TRIM2: variants seen among roughly 807,000 people sequenced by gnomAD.
The protein encoded by TRIM2 is tripartite motif-containing protein 2.
Under a neutral mutation model 75.2 loss-of-function variants are expected in TRIM2, and 20 were observed. The observed-to-expected ratio is 0.27, with a 90% CI of 0.19 to 0.39. The LOEUF (loss-of-function observed/expected upper bound fraction) is 0.39. Among genes scored for constraint, TRIM2 ranks in the 10% least tolerant of loss-of-function variants. TRIM2 has a pLI of 1.00. For missense variants in TRIM2, 660 were observed against 990.8 expected (o/e 0.67, Z 4.48); for synonymous variants, 373 against 388.3 (o/e 0.96, Z 0.46).
intron 1 of TRIM2, among the ~76,000 whole-genome samples, chr4:153,219,919 A>G (rs555979028): frequency 6.6e-6 from 1 of 152,334 alleles, no homozygotes; most frequent in South Asian, 2.1e-4. Context: ...TGAAGGAAAT[A>G]GAGCACAAGA....
chr4:153,223,213 G>GC (rs1181297706), intron 1 of TRIM2, among the ~76,000 whole-genome samples: 1 of 152,192 alleles, frequency 6.6e-6, no homozygotes, highest in Non-Finnish European at 1.5e-5. Context: ...CAGCAACAGG[G>GC]CCGCTGAGCA....
Position 153,336,239 on chromosome 4 carries a change from C to T in TRIM2, c.*1273C>T. ...CTCTTCAGCACATTCCTTTACTAAG[C>T]AGTTTAAAGCCGTCCTAGTGGAGCA... On this transcript the variant is annotated 3_prime_UTR_variant, in exon 12 of 12. Transcript: ENST00000338700. 1 of 985,196 alleles carries T rather than the reference C, an allele frequency of 1.0e-6. No homozygotes were observed. The allele number at this position is 985,196 out of a possible 1,614,324, so 61.0% of individuals were successfully genotyped here.
chr4:153,198,486 G>T (rs1336324675), intron 1 of TRIM2, among the ~76,000 whole-genome samples: 1 of 152,120 alleles, frequency 6.6e-6, no homozygotes, highest in Admixed American at 6.6e-5. Flanking sequence ...GACCTCCCCA[G>T]CCATGTGGAA....
At chr4:153,192,505 A>G (rs72963180) in intron 1 of TRIM2, among the ~76,000 whole-genome samples, 38,212 of 150,986 alleles carry the variant, frequency 0.25, 5,566 homozygotes, top group African/African-American at 0.4. Flanking sequence ...TACTCAGGAG[A>G]CTGAGGTGGG....
At chr4:153,286,802 A>G (rs1390870521) in intron 3 of TRIM2, among the ~76,000 whole-genome samples, 1 of 130,228 alleles carries the variant, frequency 7.7e-6, no homozygotes, top group East Asian at 2.2e-4. Context: ...CTCTCTGGTC[A>G]GTCTAACTAA....
rs57902013 is a variant in TRIM2, at chr4:153,242,018, G to A, written c.31-28317G>A. Among the ~76,000 whole-genome samples, 611 of 152,300 alleles carry A rather than the reference G, an allele frequency of 4.0e-3. 13 individuals are homozygous for A. The East Asian group carries it at 0.079, about 20-fold the overall frequency. On this transcript the variant is annotated intron_variant, in intron 1 of 11. Coordinates refer to ENST00000338700, the MANE Select transcript of TRIM2 (RefSeq NM_015271.5). ...TAATAGCTAATTAAAAATAGAATGG[G>A]AATTCTACTGAGGCCCATTATGGAA...
chr4:153,207,305 C>T (rs188849650), intron 1 of TRIM2, among the ~76,000 whole-genome samples: 24 of 152,212 alleles, frequency 1.6e-4, no homozygotes, highest in Admixed American at 3.9e-4. Context: ...GGGGGACAGA[C>T]GACACACAGA....
intron 1 of TRIM2, among the ~76,000 whole-genome samples, chr4:153,244,179 T>TCCTCCTTCTTCTTCTTCTC (rs1747617214): frequency 2.2e-5 from 3 of 138,512 alleles, no homozygotes; most frequent in African/African-American, 8.4e-5. Flanking sequence ...TTCTTCTTCT[T>TCCTCCTTCTTCTTCTTCTC]CTCCTCCTTC....
chr4:153,307,743 G>T, intron 6 of TRIM2: 2 of 638,846 alleles, frequency 3.1e-6, no homozygotes, highest in Admixed American at 1.9e-5. Flanking sequence ...ATTTCTGGAC[G>T]CTCGTGCTGT....
chr4:153,233,263 G>C (rs547512768), intron 1 of TRIM2, among the ~76,000 whole-genome samples: 36 of 152,252 alleles, frequency 2.4e-4, no homozygotes, highest in Middle Eastern at 3.4e-3. Context: ...AGAAGACTTT[G>C]GTTTAGCTAA....
chr4:153,273,299 A>G (rs1298902869), intron 2 of TRIM2, among the ~76,000 whole-genome samples: 1 of 65,818 alleles, frequency 1.5e-5, no homozygotes, highest in Non-Finnish European at 3.1e-5. Flanking sequence ...TTTTTGAGAC[A>G]GAGTCTCGCT....
rs1461581757 is a variant in TRIM2 at position 153,204,539 on chromosome 4, G to T, written c.9G>T (p.Arg3Ser). 1 of 1,551,622 alleles carries T rather than the reference G, an allele frequency of 6.4e-7. No homozygotes were observed. The highest frequency in any genetic ancestry group is 8.7e-7 in the Non-Finnish European group (1 of 1,147,014). Residue 3 changes from arginine to serine, a missense_variant, in exon 1 of 12, where the codon AGG (arginine) becomes AGT (serine). Arg to Ser is a moderately radical substitution (Grantham distance 110). Around this residue, in one of 2 missense-constraint regions of TRIM2, gnomAD observed 620 missense variants for 891.0 expected, o/e 0.70. Transcript: ENST00000338700. ...GCTGGCTCTGGTCTTCGATGCACAG[G>T]AGTGGCCGTTATGGAACGCAGGTAA... MH[R>S]SGRYGTQQQR... is the part of the protein sequence containing the mutation.
At chr4:153,154,362 AG>A (rs1323216239) in intron 1 of TRIM2, among the ~76,000 whole-genome samples, 2 of 152,234 alleles carry the variant, frequency 1.3e-5, no homozygotes, top group Non-Finnish European at 2.9e-5. Context: ...CCTTCCCCAG[AG>A]GGGCTTACCA....
At chr4:153,310,567 A>G (rs1766053770) in intron 6 of TRIM2, among the ~76,000 whole-genome samples, 2 of 152,200 alleles carry the variant, frequency 1.3e-5, no homozygotes, top group South Asian at 4.1e-4. Flanking sequence ...TGTCTTCCCA[A>G]GTATATGCTA....
At chr4:153,278,392 G>T (rs748094) in intron 3 of TRIM2, among the ~76,000 whole-genome samples, 13,085 of 152,254 alleles carry the variant, frequency 0.086, 732 homozygotes, top group Middle Eastern at 0.14. Flanking sequence ...GAAATTACAG[G>T]TATGCGCCAC....
intron 11 of TRIM2, among the ~76,000 whole-genome samples, chr4:153,330,982 G>GAC (rs1771349966): frequency 1.3e-5 from 2 of 152,148 alleles, no homozygotes; most frequent in African/African-American, 2.4e-5. Flanking sequence ...ACAGTTCCTA[G>GAC]AATAGGTGAG....
chr4:153,207,002 G>A (rs557838162), intron 1 of TRIM2, among the ~76,000 whole-genome samples: 4 of 151,986 alleles, frequency 2.6e-5, no homozygotes, highest in Non-Finnish European at 4.4e-5. Context: ...AGATCCTCCC[G>A]CCTCAGCCTA....
chr4:153,225,034 A>C (rs1741731961), intron 1 of TRIM2, among the ~76,000 whole-genome samples: 1 of 152,144 alleles, frequency 6.6e-6, no homozygotes, highest in Non-Finnish European at 1.5e-5. Context: ...GTTACTCACT[A>C]CCTCTCCTAG....
intron 8 of TRIM2, among the ~76,000 whole-genome samples, chr4:153,322,430 A>T (rs1769213663): frequency 6.6e-6 from 1 of 152,146 alleles, no homozygotes; most frequent in Non-Finnish European, 1.5e-5. Flanking sequence ...TAAATAAATA[A>T]ATAAAAGAAT....
Sources: gnomAD v4.1 joint callset for allele counts (sites outside exome capture counted in the v4.1 genomes callset) on GRCh38, gnomAD v4.1.1 for gene constraint, gnomAD v4.1.1 regional missense constraint, MANE v1.5 for transcripts, NCBI Gene and HGNC (gene_info 2026-07-23, HGNC 2026-07-21) for gene names.